Variants in FMO5 observed in about 807,000 individuals in gnomAD.
FMO5 encodes flavin-containing monooxygenase 5.
A neutral mutation model predicts 43.6 loss-of-function variants in FMO5; 51 were observed. The observed-to-expected ratio is 1.17, with a 90% CI of 0.93 to 1.48. The LOEUF is 1.48. Ranked by LOEUF, FMO5 falls within the 40% of genes most tolerant of loss-of-function variation. FMO5 has a pLI of 0.00. For synonymous variants in FMO5, 187 were observed against 216.5 expected, an observed-to-expected ratio of 0.86 and a Z score of 1.20; for missense variants, 644 against 643.0, an observed-to-expected ratio of 1.00 and a Z score of -0.02.
intron 2 of FMO5, among the ~76,000 whole-genome samples, chr1:147,217,270 A>C (rs897182326): frequency 6.6e-6 from 1 of 152,012 alleles, no homozygotes; most frequent in African/African-American, 2.4e-5. Context: ...AGAAAAAAAA[A>C]CTTCCTATTA....
intron 2 of FMO5, among the ~76,000 whole-genome samples, chr1:147,217,976 A>T (rs1467424468): frequency 6.6e-6 from 1 of 152,262 alleles, no homozygotes; most frequent in African/African-American, 2.4e-5. Flanking sequence ...ATCAAATTGT[A>T]TTGAGAAAGG....
chr1:147,223,513 T>C (rs1272087773), intron 2 of FMO5: 4 of 152,418 alleles, frequency 2.6e-5, no homozygotes, highest in Non-Finnish European at 5.9e-5. Context: ...TTCAGAAAAC[T>C]AGCTTAAAAG....
Position 147,202,312 on chromosome 1 carries a change from CTTTTTTTT to C in FMO5, c.831-816_831-809del, listed in dbSNP as rs55820230. The stretch of plus-strand genomic sequence containing the variant: ...TCGTGGAGCTTTCTAAAAAGCAGTT[CTTTTTTTT>C]TTTTTTTTTTTTTTTGAGACAGAGT... On this transcript the variant is annotated intron_variant, in intron 6 of 8. Transcript: ENST00000254090. 2.4e-3 allele frequency among the ~76,000 whole-genome samples: 188 copies of C among 77,456 alleles called. 1 individual carries two copies. Among genetic ancestry groups the C allele is most frequent in the Admixed American group, 4.2e-3 (26 of 6,210 alleles). 50.8% of individuals were successfully genotyped at this position (77,456 alleles called of 152,430 possible).
intron 6 of FMO5, among the ~76,000 whole-genome samples, chr1:147,202,551 C>G (rs1194995322): frequency 6.6e-6 from 1 of 152,022 alleles, no homozygotes; most frequent in Non-Finnish European, 1.5e-5. Context: ...AACTCCTGAC[C>G]TCGTGATCCT....
Position 147,186,730 on chromosome 1 carries a change from A to G in FMO5, c.*170T>C. On this transcript the variant is annotated 3_prime_UTR_variant, in exon 9 of 9. Transcript: ENST00000254090. ...AGTGGAAGGGAGATGAGTTAATACAAATGGAAAACAGGTTTCATTGTAGGA... is the reference window on the plus strand; with the variant it reads ...AGTGGAAGGGAGATGAGTTAATACAGATGGAAAACAGGTTTCATTGTAGGA... The G allele has an allele frequency of 7.0e-7, 1 of 1,431,336 alleles. No individual in the cohort carries two copies. Among genetic ancestry groups the G allele is most frequent in the East Asian group, 2.5e-5 (1 of 39,920 alleles). 88.7% of individuals were successfully genotyped at this position (1,431,336 alleles called of 1,614,324 possible). A position where few individuals can be genotyped will look rare whatever the true frequency, so the allele number is the denominator to read the frequency against.
At chr1:147,185,136 T>C (rs1655508924), downstream of FMO5, among the ~76,000 whole-genome samples, 1 of 151,720 alleles carries the variant, frequency 6.6e-6, no homozygotes, top group Non-Finnish European at 1.5e-5. Context: ...CTTGTTCACA[T>C]CTTTTAGCTT....
At chr1:147,219,839 G>GTTTTT in intron 2 of FMO5, among the ~76,000 whole-genome samples, 3 of 106,664 alleles carry the variant, frequency 2.8e-5, no homozygotes, top group Admixed American at 9.9e-5. Flanking sequence ...AATGTTAATT[G>GTTTTT]CTTTTTTTTT....
At chr1:147,217,046 G>C (rs1424630243) in intron 2 of FMO5, among the ~76,000 whole-genome samples, 2 of 151,366 alleles carry the variant, frequency 1.3e-5, no homozygotes, top group Non-Finnish European at 2.9e-5. Flanking sequence ...TTCAAGACCA[G>C]CCTGACCAAC....
In FMO5 at chr1:147,201,348, GGCAAAGATAACA is replaced by G; in HGVS notation, c.975_986del (p.Val326_Ala329del). 1 of 1,614,156 alleles carries G rather than the reference GGCAAAGATAACA, an allele frequency of 6.2e-7. No homozygotes were observed. ...ATGGAAAGTCAAAGCTATAGCCTGT[GGCAAAGATAACA>G]GCATCAATGTCATCCTCCCTGGAGC... On this transcript the variant is annotated inframe_deletion, in exon 7 of 9. Transcript: ENST00000254090.
chr1:147,215,646 T>C (rs1661855017), intron 3 of FMO5, 108 bp downstream of exon 3: 1 of 752,438 alleles, frequency 1.3e-6, no homozygotes, highest in Non-Finnish European at 2.2e-6. Flanking sequence ...GATAAATACA[T>C]GTGCAAATCA....
intron 6 of FMO5, chr1:147,204,102 C>T: frequency 1.9e-6 from 2 of 1,056,426 alleles, no homozygotes; most frequent in Non-Finnish European, 3.0e-6. Context: ...TTGACTTATG[C>T]ATCCATGAGA....
intron 7 of FMO5, among the ~76,000 whole-genome samples, chr1:147,200,889 C>G (rs1029780557): frequency 1.2e-4 from 19 of 152,096 alleles, no homozygotes; most frequent in South Asian, 4.1e-4. Flanking sequence ...GTTATGACTG[C>G]CCCACCCCAG....
At chr1:147,201,610 T>C in intron 6 of FMO5, 106 bp from the exon 7 acceptor site, 1 of 758,468 alleles carries the variant, frequency 1.3e-6, no homozygotes, top group Non-Finnish European at 2.2e-6. Flanking sequence ...CCAATAATCT[T>C]CCCCTTGGTC....
At chr1:147,212,761 A>T (rs1303237840) in intron 4 of FMO5, among the ~76,000 whole-genome samples, 6 of 152,208 alleles carry the variant, frequency 3.9e-5, no homozygotes, top group Non-Finnish European at 5.9e-5. Flanking sequence ...TGCTTAACTC[A>T]GGATGTGTTT....
At chr1:147,210,979 T>C (rs1198549220) in intron 5 of FMO5, 3 of 152,198 alleles carry the variant, frequency 2.0e-5, no homozygotes, top group Non-Finnish European at 4.4e-5. Flanking sequence ...TATAGGTCCA[T>C]TTAAAGTTTT....
intron 5 of FMO5, chr1:147,210,657 T>G (rs1660931702): frequency 6.6e-6 from 1 of 152,188 alleles, no homozygotes; most frequent in African/African-American, 2.4e-5. Context: ...ATGAAAAGAT[T>G]TCCTATTTAT....
In FMO5 at chr1:147,201,369, G is replaced by A. The variant is rs782754841; in HGVS notation, c.966C>T (p.Asp322=). 35 of 1,614,000 alleles carry A rather than the reference G, an allele frequency of 2.2e-5. No homozygotes were observed. The highest frequency in any genetic ancestry group is 1.8e-4 in the East Asian group (8 of 44,884). Residue 322 remains aspartate, a synonymous_variant, in exon 7 of 9, where the codon GAC becomes GAT. Coordinates refer to ENST00000254090, the MANE Select transcript of FMO5 (RefSeq NM_001461.4). ...AIFEDGSRED[D]IDAVIFATGY... ...CTGTGGCAAAGATAACAGCATCAAT[G>A]TCATCCTCCCTGGAGCCATCCTCAA...
At position 147,225,324 on chromosome 1, in the gene FMO5, G is replaced by A. The variant is rs1043816898; in HGVS notation, c.-75C>T. 3.7e-5 allele frequency: 16 copies of A among 429,948 alleles called. No individual in the cohort carries two copies. Among genetic ancestry groups the A allele is most frequent in the Non-Finnish European group, 4.7e-5 (12 of 255,742 alleles). 26.6% of individuals were successfully genotyped at this position (429,948 alleles called of 1,614,324 possible). On this transcript the variant is annotated 5_prime_UTR_variant, in exon 1 of 9. Transcript: ENST00000254090. Reference sequence around the variant, plus strand: ...AGCGCTCAACAGATCCTTCAGCTGCGATCTGGAGGAGACTCAACAGGCGGC... The same window carrying A: ...AGCGCTCAACAGATCCTTCAGCTGCAATCTGGAGGAGACTCAACAGGCGGC...
intron 7 of FMO5, among the ~76,000 whole-genome samples, chr1:147,195,514 G>A (rs1168267961): frequency 6.6e-6 from 1 of 152,112 alleles, no homozygotes; most frequent in Non-Finnish European, 1.5e-5. Flanking sequence ...TTTGATAAGA[G>A]TAGGGGTTAA....
Sources: gnomAD v4.1 joint callset for allele counts (sites outside exome capture counted in the v4.1 genomes callset) on GRCh38, gnomAD v4.1.1 for gene constraint, MANE v1.5 for transcripts, NCBI Gene and HGNC (gene_info 2026-07-23, HGNC 2026-07-21) for gene names.